Variants in CDC27 observed in about 807,000 individuals in gnomAD.
CDC27 encodes cell division cycle protein 27 homolog.
In CDC27, 27 loss-of-function variants were observed where a neutral mutation model predicts 109.7. The ratio of observed to expected loss-of-function variants is 0.25; its 90% confidence interval spans 0.18 to 0.34. The LOEUF (loss-of-function observed/expected upper bound fraction) is 0.34, where lower values mean the gene tolerates loss of function less well. Ranked by LOEUF, CDC27 falls within the 10% of genes least tolerant of loss-of-function variation. The pLI is 1.00. For missense variants in CDC27, 579 were observed against 960.2 expected (o/e 0.60, Z 5.25); for synonymous variants, 266 against 333.9 (o/e 0.80, Z 2.22).
rs1311261505 is a variant in CDC27 at position 47,120,509 on chromosome 17, A to T, written c.*426T>A. 6.5e-6 allele frequency: 1 copy of T among 154,754 alleles called. No homozygotes were observed. The highest frequency in any genetic ancestry group is 1.4e-5 in the Non-Finnish European group (1 of 69,520). The allele number at this position is 154,754 out of a possible 1,614,324, so 9.6% of individuals were successfully genotyped here. On this transcript the variant is annotated 3_prime_UTR_variant, in exon 19 of 19. Coordinates refer to ENST00000066544, the MANE Select transcript of CDC27 (RefSeq NM_001256.6). The stretch of plus-strand genomic sequence containing the variant: ...ACCATTCTTGAAGAACCTAGAAATG[A>T]AGGTCAGTTACTCTGTTTATCAGGA...
intron 12 of CDC27, among the ~76,000 whole-genome samples, chr17:47,139,576 CTT>C (rs1382832929): frequency 1.3e-5 from 2 of 152,092 alleles, no homozygotes; most frequent in Non-Finnish European, 2.9e-5. Flanking sequence ...CAGAATAACT[CTT>C]TTAGGAAAGA....
intron 15 of CDC27, among the ~76,000 whole-genome samples, chr17:47,131,660 A>G (rs2062338416): frequency 6.6e-6 from 1 of 151,066 alleles, no homozygotes; most frequent in Non-Finnish European, 1.5e-5. Flanking sequence ...TCTCCTGTTA[A>G]AGTAAAATTT....
At chr17:47,140,004 G>T (rs890482510) in intron 12 of CDC27, 1 of 151,834 alleles carries the variant, frequency 6.6e-6, no homozygotes. Flanking sequence ...GAAAGGAAAA[G>T]AAATTTTCAC....
chr17:47,189,106 A>C, intron 1 of CDC27, 40 bp downstream of exon 1: 1 of 1,607,194 alleles, frequency 6.2e-7, no homozygotes, highest in South Asian at 1.1e-5. Context: ...TTCCCGACCG[A>C]GGCTGCCAGC....
At chr17:47,133,116 T>C (rs12449605) in intron 14 of CDC27, among the ~76,000 whole-genome samples, 4 of 122,348 alleles carry the variant, frequency 3.3e-5, no homozygotes, top group African/African-American at 6.8e-5. Context: ...CATATATATA[T>C]ATATATATAT....
At chr17:47,178,501 C>T (rs543423513) in intron 2 of CDC27, among the ~76,000 whole-genome samples, 1 of 149,524 alleles carries the variant, frequency 6.7e-6, no homozygotes, top group East Asian at 2.0e-4. Flanking sequence ...CATGACTGCA[C>T]TCCAACCTGG....
intron 4 of CDC27, among the ~76,000 whole-genome samples, chr17:47,162,652 G>T (rs2063530979): frequency 6.6e-6 from 1 of 152,124 alleles, no homozygotes; most frequent in Non-Finnish European, 1.5e-5. Flanking sequence ...TCTGTTACGG[G>T]AAAAATATTC....
intron 15 of CDC27, 111 bp from the exon 16 acceptor site, chr17:47,129,632 G>A: frequency 1.6e-6 from 1 of 634,512 alleles, no homozygotes; most frequent in South Asian, 2.6e-5. Flanking sequence ...TAAGGTTGTA[G>A]GGTCTAACTG....
chr17:47,139,740 T>C (rs1266908301), intron 12 of CDC27: 1 of 152,162 alleles, frequency 6.6e-6, no homozygotes, highest in Non-Finnish European at 1.5e-5. Flanking sequence ...TACACACCAA[T>C]ATTGTGTCTG....
intron 2 of CDC27, among the ~76,000 whole-genome samples, chr17:47,177,859 C>T (rs201679109): frequency 5.8e-5 from 4 of 68,660 alleles, no homozygotes; most frequent in South Asian, 6.0e-4. Context: ...TGTGTGTGTA[C>T]ACACACACAC....
intron 7 of CDC27, among the ~76,000 whole-genome samples, chr17:47,155,565 TC>T (rs1215577247): frequency 6.6e-6 from 1 of 152,172 alleles, no homozygotes; most frequent in Non-Finnish European, 1.5e-5. Flanking sequence ...ACATAATTTT[TC>T]ATTTTGATAC....
intron 2 of CDC27, chr17:47,181,311 G>GA (rs575218423): frequency 0.017 from 3,265 of 190,860 alleles, 53 homozygotes; most frequent in African/African-American, 0.023. Flanking sequence ...AACCCTGGGG[G>GA]AAAAAAAAAC....
chr17:47,128,301 G>A (rs2062211378), intron 16 of CDC27, among the ~76,000 whole-genome samples: 1 of 152,184 alleles, frequency 6.6e-6, no homozygotes, highest in South Asian at 2.1e-4. Context: ...GAAGAGCTGG[G>A]ATTACAGGTG....
chr17:47,163,964 G>C (rs1214799786), intron 4 of CDC27, among the ~76,000 whole-genome samples: 1 of 152,066 alleles, frequency 6.6e-6, no homozygotes, highest in Non-Finnish European at 1.5e-5. Flanking sequence ...GGGTTTCACC[G>C]TGTTGGCCAG....
At chr17:47,187,013 T>C (rs753814579) in intron 1 of CDC27, among the ~76,000 whole-genome samples, 22 of 152,314 alleles carry the variant, frequency 1.4e-4, no homozygotes, top group Non-Finnish European at 2.6e-4. Context: ...ATCTTTATCA[T>C]TGTAGCCAAA....
chr17:47,129,461 T>C lies in CDC27; in HGVS notation c.2092A>G (p.Ile698Val), dbSNP rs1481024846. The C allele has an allele frequency of 1.9e-6, 3 of 1,609,990 alleles. No homozygotes were observed. Among genetic ancestry groups the C allele is most frequent in the African/African-American group, 1.3e-5 (1 of 74,984 alleles). The part of the protein sequence containing the change: ...ALDTLNKAIV[I>V]DPKNPLCKFH... ...TTGCATAGAGGGTTCTTGGGATCAA[T>C]GACAATGGCTTTGTTTAGGGTATCC... is the stretch of plus-strand genomic sequence containing the variant. The change falls in exon 16 of 19, where the codon ATT becomes GTT. Residue 698 changes from isoleucine to valine, a missense_variant. This residue lies in a region of CDC27 where 227 missense variants were observed against 363.6 expected (regional missense o/e 0.62). Coordinates refer to ENST00000066544, the MANE Select transcript of CDC27 (RefSeq NM_001256.6).
chr17:47,135,992 A>T (rs572735334), intron 14 of CDC27, among the ~76,000 whole-genome samples: 1 of 152,150 alleles, frequency 6.6e-6, no homozygotes, highest in Admixed American at 6.6e-5. Flanking sequence ...TACAAAAAAA[A>T]TTAGCCGGGC....
chr17:47,174,825 G>A (rs574878759), intron 2 of CDC27, among the ~76,000 whole-genome samples: 5 of 151,992 alleles, frequency 3.3e-5, no homozygotes, highest in Middle Eastern at 3.2e-3. Context: ...GTGTGGTGGC[G>A]TGCACCTGTG....
chr17:47,122,576 G>A lies in CDC27; in HGVS notation c.2260C>T (p.His754Tyr). The change falls in exon 18 of 19, where the codon CAC becomes TAC. Residue 754 changes from histidine to tyrosine, a missense_variant. His to Tyr is a moderately conservative substitution (Grantham distance 83). Around this residue, in one of 9 missense-constraint regions of CDC27, gnomAD observed 227 missense variants for 363.6 expected, o/e 0.62. Coordinates refer to ENST00000066544, the MANE Select transcript of CDC27 (RefSeq NM_001256.6). ...CAAGAGAAATTCATCAGGGCGAGGT[G>A]CGTTTGACCTAACTTCTTGTAAACC... ...GKVYKKLGQT[H>Y]LALMNFSWAM... 7 of 1,599,902 alleles carry A rather than the reference G, an allele frequency of 4.4e-6. No homozygotes were observed. Among genetic ancestry groups the A allele is most frequent in the East Asian group, 2.2e-5 (1 of 44,690 alleles).
Sources: allele counts gnomAD v4.1 joint callset (sites outside exome capture counted in the v4.1 genomes callset), GRCh38; gene constraint gnomAD v4.1.1; regional missense constraint gnomAD v4.1.1; transcripts MANE v1.5; gene names NCBI Gene and HGNC (gene_info 2026-07-23, HGNC 2026-07-21).